The following STRN3 variants were observed in gnomAD, a reference collection of about 807,000 sequenced individuals.
The protein encoded by STRN3 is striatin-3.
STRN3 carries 29 observed loss-of-function variants against 95.6 expected under a neutral mutation model. That is an observed-to-expected ratio of 0.30 (90% CI 0.23 to 0.41). STRN3 has a LOEUF of 0.41. Ranked by LOEUF, STRN3 falls within the 10% of genes least tolerant of loss-of-function variation. The pLI, the probability that STRN3 is intolerant of heterozygous loss-of-function variation, is 1.00. For synonymous variants in STRN3, 331 were observed against 357.6 expected (o/e 0.93, Z 0.84); for missense variants, 890 against 972.1 (o/e 0.92, Z 1.12).
Position 30,911,839 on chromosome 14 carries a change from A to G in STRN3, c.1551-15T>C, listed in dbSNP as rs1594424861. On this transcript the variant is annotated splice_polypyrimidine_tract_variant and intron_variant, in intron 11 of 17. Transcript: ENST00000357479. The stretch of plus-strand genomic sequence containing the variant: ...AAGAGGCACTCCTAAAAGAGGGGGA[A>G]AAAGGGTAGGGGAAGAGAAGGCAAT... 2 of 1,603,474 alleles carry G rather than the reference A, an allele frequency of 1.2e-6. No homozygotes were observed. Among genetic ancestry groups the G allele is most frequent in the South Asian group, 2.3e-5 (2 of 88,144 alleles).
chr14:31,022,195 C>T (rs889745783), intron 1 of STRN3, among the ~76,000 whole-genome samples: 3 of 151,940 alleles, frequency 2.0e-5, no homozygotes, highest in Non-Finnish European at 4.4e-5. Flanking sequence ...CTGGCTAACA[C>T]GGTGAAACCC....
rs1400231243 is a variant in STRN3, at chr14:30,913,449, GT to G, written c.1374+74del. 2.1e-6 allele frequency: 3 copies of G among 1,415,840 alleles called. No individual in the cohort carries two copies. The African/African-American group carries it at 4.3e-5, about 20-fold the overall frequency. The allele number at this position is 1,415,840 out of a possible 1,614,324, so 87.7% of individuals were successfully genotyped here. ...TTCCATGCACCTTGATATTAATTCT[GT>G]TTTATAAGTGATTCCAAAAAATAAG... On this transcript the variant is annotated intron_variant, in intron 10 of 17. Transcript: ENST00000357479.
At chr14:31,007,744 TAAAA>T in intron 1 of STRN3, among the ~76,000 whole-genome samples, 1 of 145,870 alleles carries the variant, frequency 6.9e-6, no homozygotes, top group South Asian at 2.3e-4. Flanking sequence ...TCTACAAAAA[TAAAA>T]AAAAAAAAAC....
chr14:31,025,717 T>C, intron 1 of STRN3, 187 bp downstream of exon 1: 1 of 839,086 alleles, frequency 1.2e-6, no homozygotes. Flanking sequence ...GGGAGCAAGC[T>C]TATGCGGGAA....
intron 1 of STRN3, among the ~76,000 whole-genome samples, chr14:30,984,140 C>T (rs1212123981): frequency 2.3e-5 from 3 of 132,298 alleles, no homozygotes; most frequent in Non-Finnish European, 4.9e-5. Context: ...CCCCCCAACC[C>T]CCCCCCACAC....
At chr14:30,919,550 G>C (rs1896829390) in intron 8 of STRN3, among the ~76,000 whole-genome samples, 1 of 152,020 alleles carries the variant, frequency 6.6e-6, no homozygotes, top group Non-Finnish European at 1.5e-5. Flanking sequence ...CTTAACAAAG[G>C]AATAAGTACG....
At position 30,905,500 on chromosome 14, in the gene STRN3, G is replaced by A; in HGVS notation, c.1947C>T (p.Thr649=). The A allele has an allele frequency of 6.2e-7, 1 of 1,610,184 alleles. No homozygotes were observed. Residue 649 remains threonine (T), a synonymous_variant, in exon 15 of 18, where the codon ACC becomes ACT. Coordinates refer to ENST00000357479, the MANE Select transcript of STRN3 (RefSeq NM_001083893.2). ...FIGCDPAHMV[T]SFNTGSAVIY... is the part of the protein sequence containing the mutation. The stretch of plus-strand genomic sequence containing the variant: ...TTACTGCACTACCAGTGTTGAAAGA[G>A]GTTACCATATGAGCTGGATCACAGC...
chr14:30,933,878 GT>G (rs1223257952), intron 7 of STRN3, among the ~76,000 whole-genome samples: 3 of 152,006 alleles, frequency 2.0e-5, no homozygotes, highest in African/African-American at 7.2e-5. Context: ...TACATATTAG[GT>G]TTTTTCTCTC....
At chr14:30,914,679 T>C (rs968751048) in intron 9 of STRN3, among the ~76,000 whole-genome samples, 3 of 110,820 alleles carry the variant, frequency 2.7e-5, no homozygotes, top group East Asian at 4.5e-4. Context: ...GCTTTGACTA[T>C]GACTTTTATT....
Position 30,895,267 on chromosome 14 carries a change from G to T in STRN3, c.*144C>A. On this transcript the variant is annotated 3_prime_UTR_variant, in exon 18 of 18. Transcript: ENST00000357479. ...CTTAATGAGCTTGACATTAAGATGT[G>T]ATTTCCACCAATTTGTGCCTGCCCC... The T allele has an allele frequency of 1.2e-6, 1 of 816,766 alleles. No homozygotes were observed. Among genetic ancestry groups the T allele is most frequent in the East Asian group, 2.7e-5 (1 of 37,120 alleles). The allele number at this position is 816,766 out of a possible 1,614,324, so 50.6% of individuals were successfully genotyped here.
chr14:30,954,119 T>C (rs1879787846), intron 3 of STRN3, among the ~76,000 whole-genome samples: 1 of 152,214 alleles, frequency 6.6e-6, no homozygotes, highest in African/African-American at 2.4e-5. Flanking sequence ...TGGTTTTAAG[T>C]TGTATTTTCT....
chr14:30,903,772 C>G (rs1473144544), intron 15 of STRN3, among the ~76,000 whole-genome samples: 1 of 152,140 alleles, frequency 6.6e-6, no homozygotes, highest in African/African-American at 2.4e-5. Flanking sequence ...GTATATCCAA[C>G]TGGTGGTGTA....
chr14:31,016,077 A>G (rs920164750), intron 1 of STRN3, among the ~76,000 whole-genome samples: 2 of 152,208 alleles, frequency 1.3e-5, no homozygotes, highest in Non-Finnish European at 2.9e-5. Flanking sequence ...CTGAAAGGGG[A>G]GCAATAATAA....
chr14:30,900,813 T>C (rs953300755), intron 16 of STRN3, among the ~76,000 whole-genome samples: 1 of 152,020 alleles, frequency 6.6e-6, no homozygotes. Flanking sequence ...ATCTTCATAC[T>C]ACAGGTAAGG....
At chr14:30,934,270 G>A (rs1480585965) in intron 7 of STRN3, among the ~76,000 whole-genome samples, 1 of 152,172 alleles carries the variant, frequency 6.6e-6, no homozygotes, top group Non-Finnish European at 1.5e-5. Context: ...GTTGCAGTGA[G>A]CCAAGATTGC....
chr14:31,019,047 T>G (rs116420654), intron 1 of STRN3, among the ~76,000 whole-genome samples: 2,041 of 152,260 alleles, frequency 0.013, 49 homozygotes, highest in African/African-American at 0.047. Context: ...TAGTGGCTCA[T>G]GCCTTTAATC....
Position 31,026,300 on chromosome 14 carries a change from G to T in STRN3, c.-115C>A, listed in dbSNP as rs1267038634. On this transcript the variant is annotated 5_prime_UTR_variant, in exon 1 of 18. Transcript: ENST00000357479. ...GGAGGCCGGCCGGGAGAGGGGCGGG[G>T]AAGGGGTCGTTGCTGTGTGCCTGCC... 3 of 1,171,894 alleles carry T rather than the reference G, an allele frequency of 2.6e-6. 1 individual carries two copies. 72.6% of individuals were successfully genotyped at this position (1,171,894 alleles called of 1,614,324 possible). A position where few individuals can be genotyped will look rare whatever the true frequency, so the allele number is the denominator to read the frequency against.
At chr14:30,972,778 C>CT (rs1397520104) in intron 1 of STRN3, among the ~76,000 whole-genome samples, 7 of 152,200 alleles carry the variant, frequency 4.6e-5, no homozygotes, top group African/African-American at 2.4e-5. Flanking sequence ...TGCACTCCAG[C>CT]TGGGCAAAAG....
chr14:30,952,126 A>AG (rs201364086), intron 3 of STRN3, among the ~76,000 whole-genome samples: 1 of 151,390 alleles, frequency 6.6e-6, no homozygotes, highest in African/African-American at 2.4e-5. Context: ...TTAAACAACA[A>AG]AAAAAAAGAG....
Sources: gnomAD v4.1 joint callset for allele counts (sites outside exome capture counted in the v4.1 genomes callset) on GRCh38, gnomAD v4.1.1 for gene constraint, MANE v1.5 for transcripts, NCBI Gene and HGNC (gene_info 2026-07-23, HGNC 2026-07-21) for gene names.